Variants in CNTN5 observed in about 807,000 individuals in gnomAD.
The protein encoded by CNTN5 is contactin-5.
CNTN5 carries 77 observed loss-of-function variants against 129.1 expected under a neutral mutation model. The ratio of observed to expected loss-of-function variants is 0.60; its 90% CI spans 0.50 to 0.72. CNTN5 has a LOEUF of 0.72. CNTN5 is among the 30% of genes least tolerant of loss of function. The pLI is 0.00. For synonymous variants in CNTN5, 509 were observed against 465.6 expected (o/e 1.09, Z -1.20); for missense variants, 1,478 against 1,328.8 (o/e 1.11, Z -1.75).
chr11:100,058,130 C>G (rs548705193), intron 9 of CNTN5, among the ~76,000 whole-genome samples: 2 of 152,132 alleles, frequency 1.3e-5, no homozygotes, highest in South Asian at 4.1e-4. Flanking sequence ...GCTGCTAAAA[C>G]ATTGAAATTA....
At chr11:99,641,036 CA>C (rs1166882031) in intron 3 of CNTN5, among the ~76,000 whole-genome samples, 1 of 152,112 alleles carries the variant, frequency 6.6e-6, no homozygotes, top group Non-Finnish European at 1.5e-5. Flanking sequence ...TTGGAGGAGA[CA>C]TGAAATGTAA....
At chr11:99,041,128 T>C (rs1384697891) in intron 1 of CNTN5, among the ~76,000 whole-genome samples, 1 of 152,188 alleles carries the variant, frequency 6.6e-6, no homozygotes, top group Non-Finnish European at 1.5e-5. Context: ...CATTAACTTA[T>C]GTTTCATGGA....
intron 9 of CNTN5, among the ~76,000 whole-genome samples, chr11:100,011,564 C>A (rs118004973): frequency 0.011 from 1,709 of 152,180 alleles, 18 homozygotes; most frequent in Middle Eastern, 0.027. Context: ...TGTGAATGAC[C>A]TTTGCAAACT....
chr11:99,125,927 G>T (rs1441815811), intron 1 of CNTN5, among the ~76,000 whole-genome samples: 3 of 151,918 alleles, frequency 2.0e-5, no homozygotes, highest in Non-Finnish European at 4.4e-5. Flanking sequence ...TAAAAATGAG[G>T]CTCTAATTCG....
chr11:99,559,695 C>G (rs554684266), intron 3 of CNTN5, among the ~76,000 whole-genome samples: 1 of 152,200 alleles, frequency 6.6e-6, no homozygotes, highest in South Asian at 2.1e-4. Flanking sequence ...AACAGTAGGT[C>G]TTCTAGGCAT....
chr11:100,279,539 A>G (rs1950586407), intron 18 of CNTN5, among the ~76,000 whole-genome samples: 1 of 151,562 alleles, frequency 6.6e-6, no homozygotes, highest in South Asian at 2.1e-4. Flanking sequence ...TTCAATCTTG[A>G]TAGGTTGTAT....
Position 99,644,251 on chromosome 11 carries a change from C to T in CNTN5, c.55+87982C>T, listed in dbSNP as rs369750384. Among the ~76,000 whole-genome samples the T allele has an allele frequency of 1.1e-3, 172 of 152,172 alleles. 8 individuals are homozygous for T. In the South Asian group the frequency reaches 0.033, roughly 29 times the overall value. ...TCCTATTACGTCTTTTTCCTTTGCT[C>T]GTTTTGCTTTGAGTTCCAGTTGAGC... On this transcript the variant is annotated intron_variant, in intron 3 of 24. Transcript: ENST00000524871.
chr11:99,310,688 T>C (rs945644306), intron 1 of CNTN5, among the ~76,000 whole-genome samples: 2 of 152,204 alleles, frequency 1.3e-5, no homozygotes, highest in South Asian at 2.1e-4. Flanking sequence ...ATACACACTA[T>C]AAACATGTAG....
At chr11:99,298,756 C>T (rs1399694018) in intron 1 of CNTN5, among the ~76,000 whole-genome samples, 1 of 152,006 alleles carries the variant, frequency 6.6e-6, no homozygotes, top group Admixed American at 6.6e-5. Context: ...ACCCTAATGG[C>T]TAATGTCAGC....
At chr11:100,146,983 C>T (rs754964619) in intron 13 of CNTN5, among the ~76,000 whole-genome samples, 1 of 152,112 alleles carries the variant, frequency 6.6e-6, no homozygotes, top group Non-Finnish European at 1.5e-5. Context: ...ATTTCAGTAA[C>T]CTCCTAAATG....
chr11:99,035,367 G>C (rs1200393576), intron 1 of CNTN5, among the ~76,000 whole-genome samples: 1 of 152,032 alleles, frequency 6.6e-6, no homozygotes, highest in Non-Finnish European at 1.5e-5. Flanking sequence ...GCTGACAGTG[G>C]GGTGTTAAAG....
chr11:99,488,982 C>T (rs951688942), intron 2 of CNTN5, among the ~76,000 whole-genome samples: 8 of 151,962 alleles, frequency 5.3e-5, no homozygotes, highest in Non-Finnish European at 7.4e-5. Context: ...TATGTGCTAT[C>T]GCGTCTATCA....
intron 21 of CNTN5, among the ~76,000 whole-genome samples, chr11:100,338,052 T>C (rs1952072440): frequency 6.6e-6 from 1 of 152,096 alleles, no homozygotes; most frequent in Admixed American, 6.6e-5. Context: ...ATATAAAATA[T>C]CAGAAGAAAT....
chr11:99,578,858 C>G (rs1949463754), intron 3 of CNTN5, among the ~76,000 whole-genome samples: 1 of 152,070 alleles, frequency 6.6e-6, no homozygotes, highest in African/African-American at 2.4e-5. Context: ...TCAATTTTGG[C>G]TTTTGTCGCC....
intron 16 of CNTN5, among the ~76,000 whole-genome samples, chr11:100,252,422 A>T (rs993196980): frequency 1.3e-5 from 2 of 151,814 alleles, no homozygotes; most frequent in African/African-American, 4.8e-5. Flanking sequence ...GTTTGGTATA[A>T]TCCTATTTGT....
chr11:99,836,140 A>G (rs1204333864), intron 4 of CNTN5, among the ~76,000 whole-genome samples: 1 of 145,974 alleles, frequency 6.9e-6, no homozygotes, highest in African/African-American at 2.5e-5. Context: ...TTTTTTTTTA[A>G]TTTTTCTTTT....
At chr11:99,572,427 T>C (rs1949205105) in intron 3 of CNTN5, among the ~76,000 whole-genome samples, 1 of 152,210 alleles carries the variant, frequency 6.6e-6, no homozygotes, top group African/African-American at 2.4e-5. Context: ...AACAAACCGG[T>C]AGAAGCTACA....
chr11:99,676,704 C>A (rs1953300187), intron 3 of CNTN5, among the ~76,000 whole-genome samples: 1 of 151,922 alleles, frequency 6.6e-6, no homozygotes, highest in African/African-American at 2.4e-5. Flanking sequence ...TGCCCATATA[C>A]CCTAGAACTT....
At position 100,255,773 on chromosome 11, in the gene CNTN5, A is replaced by G. The variant is rs1950053101; in HGVS notation, c.2019A>G (p.Pro673=). The G allele has an allele frequency of 6.2e-7, 1 of 1,613,752 alleles. No homozygotes were observed. The highest frequency in any genetic ancestry group is 1.1e-5 in the South Asian group (1 of 91,082). Residue 673 remains proline, a synonymous_variant, in exon 17 of 25, where the codon CCA becomes CCG. Transcript: ENST00000524871. The stretch of plus-strand genomic sequence containing the variant: ...TTTGACCTATAGGACCCCCAGGCCC[A>G]CCTGGGATAGTAATTGTTGAGGAAA... ...AELLVRGPPG[P]PGIVIVEEIT...
Sources: allele counts gnomAD v4.1 joint callset (sites outside exome capture counted in the v4.1 genomes callset), GRCh38; gene constraint gnomAD v4.1.1; transcripts MANE v1.5; gene names NCBI Gene and HGNC (gene_info 2026-07-23, HGNC 2026-07-21).